Variants in ADPRH observed in about 807,000 individuals in gnomAD.
ADPRH encodes the protein ADP-ribose-L-arginine cleaving enzyme.
A neutral mutation model predicts 28.8 loss-of-function variants in ADPRH; 27 were observed. The ratio of observed to expected loss-of-function variants is 0.94; its 90% CI spans 0.69 to 1.29. The LOEUF is 1.29. Among genes scored for constraint, ADPRH ranks in the 50% most tolerant of loss-of-function variants. The pLI, the probability that ADPRH is intolerant of heterozygous loss-of-function variation, is 0.00. For synonymous variants in ADPRH, 161 were observed against 166.9 expected, an observed-to-expected ratio of 0.96 and a Z score of 0.27; for missense variants, 419 against 444.8, an observed-to-expected ratio of 0.94 and a Z score of 0.52.
At chr3:119,584,157 C>CTG (rs1448248100) in intron 3 of ADPRH, among the ~76,000 whole-genome samples, 3 of 152,042 alleles carry the variant, frequency 2.0e-5, no homozygotes, top group East Asian at 3.8e-4. Flanking sequence ...AAAGATGTTA[C>CTG]TAATTATATT....
intron 2 of ADPRH, among the ~76,000 whole-genome samples, chr3:119,581,707 T>C (rs2082405874): frequency 6.6e-6 from 1 of 152,236 alleles, no homozygotes; most frequent in African/African-American, 2.4e-5. Flanking sequence ...TAATAGGAAG[T>C]GTAAAGCCTT....
At position 119,582,214 on chromosome 3, in the gene ADPRH, T is replaced by A. The variant is rs764982975; in HGVS notation, c.45T>A (p.Asp15Glu). The A allele has an allele frequency of 1.9e-6, 3 of 1,613,674 alleles. No homozygotes were observed. In the South Asian group the frequency reaches 3.3e-5, roughly 18 times the overall value. The change falls in exon 3 of 5, where the codon GAT (aspartate) becomes GAA (glutamate). Residue 15 changes from aspartate (D) to glutamate (E), a missense_variant. Transcript: ENST00000357003. ...VAAMVLSAAGDALGYYNGKWE... is the reference protein window; with the variant it reads ...VAAMVLSAAGEALGYYNGKWE... ...CTATGGTGCTGAGTGCAGCTGGAGA[T>A]GCCCTGGGGTACTACAATGGGAAGT... is the stretch of plus-strand genomic sequence containing the variant.
rs139662260 is a variant in ADPRH at position 119,587,600 on chromosome 3, T to G, written c.796T>G (p.Trp266Gly). The change falls in exon 5 of 5, where the codon TGG (tryptophan) becomes GGG (glycine). Residue 266 changes from tryptophan to glycine, a missense_variant. Trp to Gly is a radical substitution (Grantham distance 184). Transcript: ENST00000357003. ...QFYTSLSYSG[W>G]GGSSGHDAPM... Reference sequence around the variant, plus strand: ...CTACACCTCCCTGAGCTACTCTGGCTGGGGTGGCAGCAGTGGGCACGATGC... The same window carrying G: ...CTACACCTCCCTGAGCTACTCTGGCGGGGGTGGCAGCAGTGGGCACGATGC... 2.5e-6 allele frequency: 4 copies of G among 1,614,212 alleles called. No individual in the cohort carries two copies. In the East Asian group the frequency reaches 8.9e-5, roughly 36 times the overall value.
chr3:119,584,096 A>T (rs970797949), intron 3 of ADPRH, among the ~76,000 whole-genome samples: 14 of 151,870 alleles, frequency 9.2e-5, no homozygotes, highest in East Asian at 3.9e-4. Context: ...ACTTTTTTTT[A>T]AAAAATAGAT....
intron 3 of ADPRH, 136 bp from the exon 4 acceptor site, chr3:119,586,149 T>C (rs2082456377): frequency 3.1e-6 from 4 of 1,310,146 alleles, no homozygotes; most frequent in Non-Finnish European, 3.2e-6. Flanking sequence ...TTTGGAGTTT[T>C]GGGGCATGCA....
Position 119,582,420 on chromosome 3 carries a change from C to G in ADPRH, c.251C>G (p.Ala84Gly), listed in dbSNP as rs766633037. The change falls in exon 3 of 5, where the codon GCT (alanine) becomes GGT (glycine). Residue 84 changes from alanine (A) to glycine (G), a missense_variant. Physicochemically the swap from Ala to Gly is moderately conservative, Grantham distance 60. Coordinates refer to ENST00000357003, the MANE Select transcript of ADPRH (RefSeq NM_001125.4). ...PKLTQLYYLL[A>G]KHYQDCMEDM... The stretch of plus-strand genomic sequence containing the variant: ...TTGACTCAACTGTATTACCTCCTTG[C>G]TAAGCATTACCAAGACTGCATGGAA... The G allele has an allele frequency of 1.2e-6, 2 of 1,613,956 alleles. No homozygotes were observed. The highest frequency in any genetic ancestry group is 1.7e-6 in the Non-Finnish European group (2 of 1,179,914).
rs1178827256 is a variant in ADPRH, at chr3:119,586,430, G to A, written c.444G>A (p.Leu148=). ...IGLRFPHHSQ[L]DTLIQVSIES... ...TCAGGTTCCCACACCATAGCCAACT[G>A]GACACACTGATCCAAGTGAGCATCG... is the stretch of plus-strand genomic sequence containing the variant. The change falls in exon 4 of 5, where the codon CTG becomes CTA. Residue 148 remains leucine (L), a synonymous_variant. Transcript: ENST00000357003. 1.2e-6 allele frequency: 2 copies of A among 1,614,196 alleles called. No individual in the cohort carries two copies. Among genetic ancestry groups the A allele is most frequent in the Non-Finnish European group, 8.5e-7 (1 of 1,180,044 alleles).
chr3:119,587,598 G>A lies in ADPRH; in HGVS notation c.794G>A (p.Gly265Asp). Residue 265 changes from glycine (G) to aspartate (D), a missense_variant, in exon 5 of 5, where the codon GGC becomes GAC. Gly to Asp is a moderately conservative substitution (Grantham distance 94, BLOSUM62 -1). Coordinates refer to ENST00000357003, the MANE Select transcript of ADPRH (RefSeq NM_001125.4). ...TTCTACACCTCCCTGAGCTACTCTG[G>A]CTGGGGTGGCAGCAGTGGGCACGAT... ...DQFYTSLSYS[G>D]WGGSSGHDAP... 1 of 1,614,188 alleles carries A rather than the reference G, an allele frequency of 6.2e-7. No individual in the cohort carries two copies. Among genetic ancestry groups the A allele is most frequent in the Non-Finnish European group, 8.5e-7 (1 of 1,180,026 alleles).
At chr3:119,581,305 T>G (rs1451411105) in intron 2 of ADPRH, among the ~76,000 whole-genome samples, 1 of 152,192 alleles carries the variant, frequency 6.6e-6, no homozygotes. Context: ...TGACCTCAGA[T>G]GAGCCACCCA....
In ADPRH at chr3:119,586,591, CTAAAA is replaced by C. The variant is rs1217042721; in HGVS notation, c.606_610del (p.Lys203ValfsTer30). 3 of 1,614,094 alleles carry C rather than the reference CTAAAA, an allele frequency of 1.9e-6. No homozygotes were observed. In the South Asian group the frequency reaches 3.3e-5, roughly 18 times the overall value. On this transcript the variant is annotated frameshift_variant, in exon 4 of 5. Transcript: ENST00000357003. LOFTEE classifies it high-confidence loss of function. ...GGACTGATGGAGCTGCTACCAGAAG[CTAAAA>C]AGTACATTGTCCAATCAGGCTACTT... is the stretch of plus-strand genomic sequence containing the variant.
Position 119,588,171 on chromosome 3 carries a change from C to A in ADPRH, c.*293C>A, listed in dbSNP as rs114690098. On this transcript the variant is annotated 3_prime_UTR_variant, in exon 5 of 5. Transcript: ENST00000357003. ...TCTTCATTTTCATCATCTACTTGTT[C>A]TAAAAGTTTTTTCTGTTTGTCTCAA... 794 of 253,652 alleles carry A rather than the reference C, an allele frequency of 3.1e-3. 6 individuals are homozygous for A. Among genetic ancestry groups the A allele is most frequent in the African/African-American group, 0.016 (734 of 45,370 alleles). 15.7% of individuals were successfully genotyped at this position (253,652 alleles called of 1,614,324 possible).
At chr3:119,580,055 C>A (rs1041645093) in intron 1 of ADPRH, 1 of 152,382 alleles carries the variant, frequency 6.6e-6, no homozygotes. Flanking sequence ...GAATGTGACC[C>A]GTGAAAGTTC....
chr3:119,585,140 G>A (rs1454567074), intron 3 of ADPRH, among the ~76,000 whole-genome samples: 4 of 152,192 alleles, frequency 2.6e-5, no homozygotes, highest in Non-Finnish European at 5.9e-5. Context: ...TCACCCCAAG[G>A]ATTGGCTTTA....
At chr3:119,584,943 T>C (rs187789374) in intron 3 of ADPRH, among the ~76,000 whole-genome samples, 1 of 152,306 alleles carries the variant, frequency 6.6e-6, no homozygotes, top group Admixed American at 6.5e-5. Flanking sequence ...TTCCTCTTCA[T>C]GTAAGGACAC....
chr3:119,586,225 C>T, intron 3 of ADPRH, 60 bp from the exon 4 acceptor site: 1 of 1,582,966 alleles, frequency 6.3e-7, no homozygotes, highest in Non-Finnish European at 8.6e-7. Flanking sequence ...GTTATTTATT[C>T]CTGCTGGGGC....
At chr3:119,586,850 GGGC>G (rs1284826319) in intron 4 of ADPRH, among the ~76,000 whole-genome samples, 5 of 152,178 alleles carry the variant, frequency 3.3e-5, no homozygotes, top group African/African-American at 1.2e-4. Flanking sequence ...TCAATGAATA[GGGC>G]AGCTGTGGTG....
At chr3:119,586,079 C>G (rs1206485577) in intron 3 of ADPRH, among the ~76,000 whole-genome samples, 2 of 152,154 alleles carry the variant, frequency 1.3e-5, no homozygotes, top group African/African-American at 4.8e-5. Flanking sequence ...AGTCTGCTGC[C>G]TTTATTAGCG....
intron 2 of ADPRH, among the ~76,000 whole-genome samples, chr3:119,581,028 A>G (rs2082400642): frequency 6.6e-6 from 1 of 152,132 alleles, no homozygotes; most frequent in South Asian, 2.1e-4. Flanking sequence ...AAATATGTCA[A>G]AAATCAAGCT....
chr3:119,582,074 G>T (rs1275183197), intron 2 of ADPRH, 60 bp from the exon 3 acceptor site: 25 of 1,138,734 alleles, frequency 2.2e-5, no homozygotes, highest in East Asian at 5.0e-5. Context: ...TAGAGTCGTT[G>T]TTTTTTCTGA....
Sources: gnomAD v4.1 joint callset for allele counts (sites outside exome capture counted in the v4.1 genomes callset) on GRCh38, gnomAD v4.1.1 for gene constraint, MANE v1.5 for transcripts, NCBI Gene and HGNC (gene_info 2026-07-23, HGNC 2026-07-21) for gene names.